ZIM2: variants seen among roughly 807,000 people sequenced by gnomAD.
ZIM2 encodes zinc finger protein 656.
ZIM2 carries 14 observed loss-of-function variants against 38.6 expected under a neutral mutation model. The observed-to-expected ratio is 0.36, with a 90% CI of 0.24 to 0.57. ZIM2 has a LOEUF of 0.57. Among genes scored for constraint, ZIM2 ranks in the 20% least tolerant of loss-of-function variants. The pLI is 0.81. For synonymous variants in ZIM2, 247 were observed against 245.8 expected (o/e 1.00, Z -0.04); for missense variants, 680 against 695.1 (o/e 0.98, Z 0.24).
At position 56,816,772 on chromosome 19, in the gene ZIM2, T is replaced by C. The variant is rs1485058187; in HGVS notation, c.490+974A>G. On this transcript the variant is annotated intron_variant, in intron 9 of 12. Transcript: ENST00000629319. ...GCACTCGTAGAATTTGTCTTTGCCA[T>C]ATATTTTCTGAAGCTCACTAAAGGT... 14 of 1,614,160 alleles carry C rather than the reference T, an allele frequency of 8.7e-6. No individual in the cohort carries two copies. Among genetic ancestry groups the C allele is most frequent in the Non-Finnish European group, 1.2e-5 (14 of 1,180,012 alleles).
rs374418642 is a variant in ZIM2, at chr19:56,774,955, G to A, written c.1410C>T (p.Val470=). Residue 470 remains valine (V), a synonymous_variant, in exon 13 of 13, where the codon GTC becomes GTT. Transcript: ENST00000629319. The part of the protein sequence containing the change: ...QHLKAHEAAR[V]LPPGLSHSKT... ...TGCTGTGGGACAACCCAGGAGGAAG[G>A]ACTCTTGCTGCCTCATGGGCTTTGA... 1.2e-6 allele frequency: 2 copies of A among 1,614,080 alleles called. No individual in the cohort carries two copies. The highest frequency in any genetic ancestry group is 8.5e-7 in the Non-Finnish European group (1 of 1,180,042).
chr19:56,799,870 T>A (rs949024615), intron 9 of ZIM2, among the ~76,000 whole-genome samples: 2 of 152,162 alleles, frequency 1.3e-5, no homozygotes, highest in Non-Finnish European at 1.5e-5. Context: ...AGGAACAAAC[T>A]GCCTATACAT....
Position 56,821,770 on chromosome 19 carries a change from G to A in ZIM2, c.191-16C>T, listed in dbSNP as rs1344656026. On this transcript the variant is annotated splice_polypyrimidine_tract_variant and intron_variant, in intron 6 of 12. Transcript: ENST00000629319. Reference sequence around the variant, plus strand: ...GGAGGCATCCCTGGGAAGAAAAAAGGCATCAACAAGAAGCAGGGCCCAGTC... The same window carrying A: ...GGAGGCATCCCTGGGAAGAAAAAAGACATCAACAAGAAGCAGGGCCCAGTC... 3 of 1,613,268 alleles carry A rather than the reference G, an allele frequency of 1.9e-6. No homozygotes were observed. Among genetic ancestry groups the A allele is most frequent in the Non-Finnish European group, 2.5e-6 (3 of 1,179,924 alleles).
intron 5 of ZIM2, 120 bp downstream of exon 5, chr19:56,823,470 G>A: frequency 1.8e-6 from 2 of 1,105,194 alleles, no homozygotes; most frequent in Non-Finnish European, 2.7e-6. Context: ...AGATCTCTGA[G>A]TGAAGCTGAC....
At chr19:56,787,443 T>C (rs977525183) in intron 10 of ZIM2, among the ~76,000 whole-genome samples, 5 of 151,964 alleles carry the variant, frequency 3.3e-5, no homozygotes, top group Non-Finnish European at 7.4e-5. Flanking sequence ...GCCCAGCTAA[T>C]TTTTGTATTT....
Position 56,789,890 on chromosome 19 carries a change from C to T in ZIM2, c.552G>A (p.Leu184=). 1.3e-6 allele frequency: 2 copies of T among 1,577,038 alleles called. No homozygotes were observed. The highest frequency in any genetic ancestry group is 1.7e-6 in the Non-Finnish European group (2 of 1,154,532). The change falls in exon 10 of 13, where the codon CTG becomes CTA. Residue 184 remains leucine (L), a synonymous_variant. Coordinates refer to ENST00000629319, the MANE Select transcript of ZIM2 (RefSeq NM_001387356.1). The part of the protein sequence containing the change: ...EKRNTEMLDN[L]PSAGSQFPDF... The stretch of plus-strand genomic sequence containing the variant: ...GACTCACCTGGGACCCAGCAGATGG[C>T]AGATTGTCTAACATCTCTGTGTTCC...
chr19:56,801,862 A>G (rs1289261030), intron 9 of ZIM2, among the ~76,000 whole-genome samples: 1 of 152,174 alleles, frequency 6.6e-6, no homozygotes, highest in African/African-American at 2.4e-5. Flanking sequence ...CATAAAGAAG[A>G]CAGAGAGGAC....
intron 2 of ZIM2, among the ~76,000 whole-genome samples, chr19:56,830,927 CA>C (rs2061512935): frequency 6.8e-6 from 1 of 148,082 alleles, no homozygotes; most frequent in African/African-American, 2.5e-5. Context: ...ACTGAATCAC[CA>C]AAAAAATAAA....
intron 10 of ZIM2, among the ~76,000 whole-genome samples, chr19:56,786,424 AGAT>A (rs1333139271): frequency 1.3e-5 from 2 of 152,204 alleles, no homozygotes; most frequent in Admixed American, 6.5e-5. Context: ...ATAAACAAAC[AGAT>A]GATGACACTA....
chr19:56,816,358 A>G (rs1216691775), intron 9 of ZIM2: 1 of 1,614,194 alleles, frequency 6.2e-7, no homozygotes, highest in Non-Finnish European at 8.5e-7. Context: ...TGAGCTTTGC[A>G]TGAAGGCATC....
At chr19:56,810,165 C>T (rs1045612098) in intron 9 of ZIM2, 1 of 980,634 alleles carries the variant, frequency 1.0e-6, no homozygotes, top group African/African-American at 1.8e-5. Context: ...AACCTGTGCA[C>T]AGAAACAAGA....
intron 12 of ZIM2, among the ~76,000 whole-genome samples, chr19:56,776,200 G>C (rs1202821565): frequency 6.6e-6 from 1 of 151,980 alleles, no homozygotes; most frequent in Non-Finnish European, 1.5e-5. Flanking sequence ...TCAAAAAGAT[G>C]CCACAATTGT....
intron 2 of ZIM2, among the ~76,000 whole-genome samples, chr19:56,828,125 T>C (rs1029288716): frequency 1.3e-5 from 2 of 152,162 alleles, no homozygotes; most frequent in African/African-American, 4.8e-5. Flanking sequence ...ACAGAGCAGG[T>C]GCAGGCAGCC....
At chr19:56,816,049 T>G in intron 9 of ZIM2, 1 of 1,598,416 alleles carries the variant, frequency 6.3e-7, no homozygotes, top group Non-Finnish European at 8.5e-7. Context: ...TACTTTTGGT[T>G]TACTGGGCCC....
intron 9 of ZIM2, chr19:56,816,087 C>T (rs1370986253): frequency 1.2e-6 from 2 of 1,604,700 alleles, no homozygotes; most frequent in African/African-American, 2.7e-5. Flanking sequence ...TCTGAGCTTC[C>T]ACAGAGGCTA....
chr19:56,814,043 C>T lies in ZIM2; in HGVS notation c.490+3703G>A. 3 of 1,614,146 alleles carry T rather than the reference C, an allele frequency of 1.9e-6. No individual in the cohort carries two copies. Among genetic ancestry groups the T allele is most frequent in the Non-Finnish European group, 8.5e-7 (1 of 1,180,028 alleles). On this transcript the variant is annotated intron_variant, in intron 9 of 12. Transcript: ENST00000629319. The surrounding 1 kb of genome is among the most constrained non-coding windows in gnomAD (Gnocchi z 5.8). ...GGCTCTTCAGCTTTTCCCTCTGGCTCTTCAGCTCTTTCTTCTGGGTCTTCA... is the reference window on the plus strand; with the variant it reads ...GGCTCTTCAGCTTTTCCCTCTGGCTTTTCAGCTCTTTCTTCTGGGTCTTCA...
chr19:56,815,804 T>C, intron 9 of ZIM2: 1 of 1,613,664 alleles, frequency 6.2e-7, no homozygotes, highest in Non-Finnish European at 8.5e-7. Flanking sequence ...TCACAAGGGT[T>C]CTCTCTGGCA....
chr19:56,794,638 A>G (rs2094364679), intron 9 of ZIM2, among the ~76,000 whole-genome samples: 1 of 152,152 alleles, frequency 6.6e-6, no homozygotes, highest in South Asian at 2.1e-4. Flanking sequence ...TCCAAACTCA[A>G]TGTATAAGAT....
intron 12 of ZIM2, among the ~76,000 whole-genome samples, chr19:56,778,302 G>T: frequency 6.6e-6 from 1 of 152,130 alleles, no homozygotes; most frequent in Non-Finnish European, 1.5e-5. Context: ...ACCAGAGTAG[G>T]GAAAGAAAAG....
Sources: allele counts gnomAD v4.1 joint callset (sites outside exome capture counted in the v4.1 genomes callset), GRCh38; gene constraint gnomAD v4.1.1; non-coding constraint Gnocchi (gnomAD v3.1); transcripts MANE v1.5; gene names NCBI Gene and HGNC (gene_info 2026-07-23, HGNC 2026-07-21).